The following HTR4 variants were observed in gnomAD, a reference collection of about 807,000 sequenced individuals.
HTR4 encodes the protein 5-hydroxytryptamine (serotonin) receptor 4, G protein-coupled.
Under a neutral mutation model 36.8 loss-of-function variants are expected in HTR4, and 16 were observed. The ratio of observed to expected loss-of-function variants is 0.43; its 90% CI spans 0.29 to 0.66. The LOEUF (loss-of-function observed/expected upper bound fraction) is 0.66. HTR4 is among the 30% of genes least tolerant of loss of function. HTR4 has a pLI of 0.13. For missense variants in HTR4, 438 were observed against 490.9 expected (o/e 0.89, Z 1.02); for synonymous variants, 189 against 185.1 (o/e 1.02, Z -0.17).
chr5:148,614,185 C>G (rs1287822304), intron 2 of HTR4, among the ~76,000 whole-genome samples: 1 of 152,048 alleles, frequency 6.6e-6, no homozygotes, highest in Non-Finnish European at 1.5e-5. Context: ...AAACTACTTT[C>G]AAGTTCATAT....
intron 2 of HTR4, among the ~76,000 whole-genome samples, chr5:148,581,017 GCTGT>G (rs1267821087): frequency 9.4e-6 from 1 of 106,656 alleles, no homozygotes; most frequent in African/African-American, 5.1e-5. Flanking sequence ...ACCAACATTT[GCTGT>G]CTTTTTTTTT....
chr5:148,460,428 T>C (rs1755245379), intron 5 of HTR4, among the ~76,000 whole-genome samples: 2 of 151,796 alleles, frequency 1.3e-5, no homozygotes, highest in Non-Finnish European at 2.9e-5. Context: ...GGAGCAAAGA[T>C]AAAAATTACA....
At chr5:148,532,865 G>A (rs908036724) in intron 4 of HTR4, among the ~76,000 whole-genome samples, 17 of 152,188 alleles carry the variant, frequency 1.1e-4, no homozygotes, top group African/African-American at 3.9e-4. Flanking sequence ...CAGATTGCTG[G>A]TAGGTCTGGA....
At chr5:148,526,961 G>A (rs769896924) in intron 4 of HTR4, among the ~76,000 whole-genome samples, 1 of 152,090 alleles carries the variant, frequency 6.6e-6, no homozygotes, top group Admixed American at 6.5e-5. Flanking sequence ...TAGTGTTTGG[G>A]CAGCACAAGT....
intron 4 of HTR4, among the ~76,000 whole-genome samples, chr5:148,535,683 A>G (rs2113821505): frequency 6.6e-6 from 1 of 152,320 alleles, no homozygotes; most frequent in Non-Finnish European, 1.5e-5. Context: ...AGACAAAAAT[A>G]AAGACAAAAT....
intron 1 of HTR4, among the ~76,000 whole-genome samples, chr5:148,640,096 A>T (rs958863393): frequency 3.3e-5 from 5 of 152,146 alleles, no homozygotes; most frequent in African/African-American, 1.2e-4. Context: ...GCACTTGACC[A>T]ATCTGGGAAT....
intron 2 of HTR4, among the ~76,000 whole-genome samples, chr5:148,631,088 A>ATT (rs1340048507): frequency 2.0e-5 from 3 of 152,066 alleles, no homozygotes; most frequent in Admixed American, 1.3e-4. Flanking sequence ...CAAAATATAA[A>ATT]TGTATCTTCT....
intron 2 of HTR4, among the ~76,000 whole-genome samples, chr5:148,561,509 C>T (rs1317179786): frequency 1.3e-5 from 2 of 152,266 alleles, no homozygotes; most frequent in East Asian, 3.9e-4. Context: ...TTTAAGAAAA[C>T]CCATTTTCCA....
intron 5 of HTR4, among the ~76,000 whole-genome samples, chr5:148,518,242 C>T (rs898767145): frequency 1.3e-5 from 2 of 152,044 alleles, no homozygotes; most frequent in Non-Finnish European, 2.9e-5. Context: ...TTTTAATCTC[C>T]TCTACTTATT....
At chr5:148,509,224 G>A (rs1289706998) in intron 6 of HTR4, 1 of 474,610 alleles carries the variant, frequency 2.1e-6, no homozygotes, top group Non-Finnish European at 3.7e-6. Context: ...TAAACGACCT[G>A]CCCAAGGTCA....
intron 6 of HTR4, among the ~76,000 whole-genome samples, chr5:148,508,728 G>A (rs1339803896): frequency 6.6e-6 from 1 of 151,794 alleles, no homozygotes; most frequent in East Asian, 1.9e-4. Flanking sequence ...ATTTATTATG[G>A]TATTTATTTT....
intron 2 of HTR4, among the ~76,000 whole-genome samples, chr5:148,599,022 A>G (rs1193257964): frequency 6.6e-6 from 1 of 152,218 alleles, no homozygotes; most frequent in East Asian, 1.9e-4. Flanking sequence ...CAGGATATGA[A>G]TTACAGGACA....
rs993721845 is a variant in HTR4, at chr5:148,588,530, T to C, written c.27-38268A>G. Among the ~76,000 whole-genome samples the C allele has an allele frequency of 1.6e-3, 164 of 101,040 alleles. 6 individuals are homozygous for C. The highest frequency in any genetic ancestry group is 5.4e-3 in the East Asian group (23 of 4,246). 66.3% of individuals were successfully genotyped at this position (101,040 alleles called of 152,430 possible). ...TCATTCACAGTAGGTTTTAATTCTT[T>C]TTTTTTTTTTTTTTTTTTTTTGAGA... On this transcript the variant is annotated intron_variant, in intron 2 of 6. Coordinates refer to ENST00000377888, the MANE Select transcript of HTR4 (RefSeq NM_000870.7).
At chr5:148,497,045 T>C (rs935048496) in intron 6 of HTR4, among the ~76,000 whole-genome samples, 5 of 152,194 alleles carry the variant, frequency 3.3e-5, no homozygotes, top group Non-Finnish European at 7.4e-5. Flanking sequence ...TCTTCTACTA[T>C]CCACAATGAA....
chr5:148,523,092 T>A, intron 5 of HTR4, 101 bp downstream of exon 5: 1 of 1,146,776 alleles, frequency 8.7e-7, no homozygotes, highest in East Asian at 2.7e-5. Flanking sequence ...CAGACCACTA[T>A]CAGATTCTTA....
intron 6 of HTR4, among the ~76,000 whole-genome samples, chr5:148,504,720 A>G (rs570979545): frequency 5.3e-5 from 8 of 152,246 alleles, no homozygotes; most frequent in African/African-American, 7.2e-5. Context: ...TTTTTTGAAA[A>G]GATCAACAAA....
chr5:148,598,424 G>A (rs1761862802), intron 2 of HTR4, among the ~76,000 whole-genome samples: 1 of 151,980 alleles, frequency 6.6e-6, no homozygotes, highest in Admixed American at 6.6e-5. Flanking sequence ...ACACGCCTGA[G>A]TCCCAGGTAC....
At chr5:148,539,930 T>C (rs186348540) in intron 4 of HTR4, among the ~76,000 whole-genome samples, 8 of 152,266 alleles carry the variant, frequency 5.3e-5, no homozygotes, top group Admixed American at 5.2e-4. Context: ...CAAATGTTTT[T>C]TGCAGCACCC....
chr5:148,616,294 C>T (rs1752686401), intron 2 of HTR4, among the ~76,000 whole-genome samples: 1 of 152,138 alleles, frequency 6.6e-6, no homozygotes, highest in Admixed American at 6.5e-5. Context: ...GGAAATTTGA[C>T]ACAGTGTGTT....
Sources: allele counts gnomAD v4.1 joint callset (sites outside exome capture counted in the v4.1 genomes callset), GRCh38; gene constraint gnomAD v4.1.1; transcripts MANE v1.5; gene names NCBI Gene and HGNC (gene_info 2026-07-23, HGNC 2026-07-21).